MPHOSPH8: variants seen among roughly 807,000 people sequenced by gnomAD.
MPHOSPH8 encodes the protein M-phase phosphoprotein 8.
In MPHOSPH8, 45 loss-of-function variants were observed where a neutral mutation model predicts 87.3. The observed-to-expected ratio is 0.52, with a 90% CI of 0.41 to 0.66. The LOEUF is 0.66. MPHOSPH8 is among the 30% of genes least tolerant of loss of function. The pLI is 0.00. For missense variants in MPHOSPH8, 883 were observed against 1,020.2 expected (o/e 0.87, Z 1.83); for synonymous variants, 366 against 376.9 (o/e 0.97, Z 0.33).
At chr13:19,665,027 G>A (rs934164250) in intron 9 of MPHOSPH8, among the ~76,000 whole-genome samples, 8 of 152,200 alleles carry the variant, frequency 5.3e-5, no homozygotes, top group East Asian at 1.9e-4. Context: ...GAAGGCAGGC[G>A]GGAGTGCCCC....
intron 5 of MPHOSPH8, among the ~76,000 whole-genome samples, chr13:19,654,473 A>AT (rs1219772286): frequency 6.7e-6 from 1 of 149,640 alleles, no homozygotes; most frequent in Non-Finnish European, 1.5e-5. Context: ...ACTTATAGTA[A>AT]TAAAAAAAAG....
chr13:19,649,567 G>C (rs1640841959), intron 4 of MPHOSPH8, among the ~76,000 whole-genome samples: 2 of 152,096 alleles, frequency 1.3e-5, no homozygotes, highest in African/African-American at 4.8e-5. Context: ...GTTTTACCAG[G>C]TACACAGGCA....
chr13:19,667,019 G>A (rs760582645), intron 10 of MPHOSPH8, among the ~76,000 whole-genome samples: 3 of 151,906 alleles, frequency 2.0e-5, no homozygotes, highest in Admixed American at 6.6e-5. Flanking sequence ...AAAATTAGCC[G>A]GGCGTGGTGG....
chr13:19,660,167 A>G (rs1875446369), intron 7 of MPHOSPH8, among the ~76,000 whole-genome samples: 1 of 149,256 alleles, frequency 6.7e-6, no homozygotes, highest in South Asian at 2.1e-4. Flanking sequence ...ACGGGGTTTC[A>G]CCATGTTAGC....
intron 1 of MPHOSPH8, among the ~76,000 whole-genome samples, chr13:19,634,917 T>G (rs1873911015): frequency 6.6e-6 from 1 of 152,226 alleles, no homozygotes; most frequent in East Asian, 1.9e-4. Context: ...CTTGTGTCAA[T>G]TTTTTGCGCA....
In MPHOSPH8 at chr13:19,671,845, A is replaced by G. The variant is rs755401894; in HGVS notation, c.2553A>G (p.Leu851=). The G allele has an allele frequency of 6.2e-7, 1 of 1,614,044 alleles. No individual in the cohort carries two copies. Among genetic ancestry groups the G allele is most frequent in the Non-Finnish European group, 8.5e-7 (1 of 1,180,020 alleles). The change falls in exon 14 of 14, where the codon CTA becomes CTG. Residue 851 remains leucine, a synonymous_variant. Transcript: ENST00000361479. The part of the protein sequence containing the change: ...TEAPSAKVKL[L]IGAYRVQLQ Reference sequence around the variant, plus strand: ...TTTTCTTTCAACAGGTTAAGTTGCTAATAGGTGCATACAGAGTGCAGCTGC... The same window carrying G: ...TTTTCTTTCAACAGGTTAAGTTGCTGATAGGTGCATACAGAGTGCAGCTGC...
At chr13:19,671,754 T>G in intron 13 of MPHOSPH8, 80 bp from the exon 14 acceptor site, 1 of 1,298,690 alleles carries the variant, frequency 7.7e-7, no homozygotes, top group Admixed American at 1.8e-5. Context: ...GAAGCAAATC[T>G]TGGCCATTTG....
chr13:19,649,858 A>AT, intron 4 of MPHOSPH8, 145 bp from the exon 5 acceptor site: 1 of 743,982 alleles, frequency 1.3e-6, no homozygotes, highest in South Asian at 2.0e-5. Flanking sequence ...TTTGACAGTA[A>AT]ATCAGACCAG....
rs747903399 is a variant in MPHOSPH8 at position 19,658,455 on chromosome 13, ACT to A, written c.1577-537_1577-536del. On this transcript the variant is annotated intron_variant, in intron 5 of 13. Transcript: ENST00000361479. ...GTGCCTGTAGGTCCTGTCGGGGAAG[ACT>A]CTAGCAATACCTCACGGGGGTGGGT... 7.7e-5 allele frequency among the ~76,000 whole-genome samples: 9 copies of A among 117,296 alleles called. No individual in the cohort carries two copies. In the East Asian group the frequency reaches 9.0e-4, roughly 12 times the overall value. 77.0% of individuals were successfully genotyped at this position (117,296 alleles called of 152,430 possible). A position where few individuals can be genotyped will look rare whatever the true frequency, so the allele number is the denominator to read the frequency against.
intron 11 of MPHOSPH8, 130 bp from the exon 12 acceptor site, chr13:19,670,106 C>A: frequency 9.3e-7 from 1 of 1,079,318 alleles, no homozygotes; most frequent in Non-Finnish European, 1.4e-6. Flanking sequence ...TCCTCTGAGC[C>A]TCCAGGCAGA....
intron 4 of MPHOSPH8, among the ~76,000 whole-genome samples, chr13:19,648,777 T>C (rs1240992908): frequency 6.6e-6 from 1 of 152,138 alleles, no homozygotes; most frequent in East Asian, 1.9e-4. Flanking sequence ...TATGTAACTC[T>C]GTGTCATTTG....
chr13:19,642,055 T>TTC, intron 1 of MPHOSPH8, 60 bp from the exon 2 acceptor site: 2 of 1,143,090 alleles, frequency 1.7e-6, no homozygotes, highest in Non-Finnish European at 2.3e-6. Context: ...TTTTTTTTTT[T>TTC]TGGAAATTTA....
Position 19,650,232 on chromosome 13 carries a change from C to T in MPHOSPH8, c.1548C>T (p.Asp516=). The change falls in exon 5 of 14, where the codon GAC becomes GAT. Residue 516 remains aspartate, a synonymous_variant. Transcript: ENST00000361479. ...IAAEGDQEVL[D]SVCQADENSD... ...CAGAAGGTGATCAGGAGGTTTTAGA[C>T]AGCGTGTGCCAAGCAGATGAGAATT... 1 of 1,613,984 alleles carries T rather than the reference C, an allele frequency of 6.2e-7. No homozygotes were observed. Among genetic ancestry groups the T allele is most frequent in the South Asian group, 1.1e-5 (1 of 91,058 alleles).
chr13:19,643,394 C>T (rs922632273), intron 2 of MPHOSPH8, among the ~76,000 whole-genome samples: 3 of 152,042 alleles, frequency 2.0e-5, no homozygotes, highest in Admixed American at 6.6e-5. Context: ...TATAGATACA[C>T]GCCACCAGGC....
chr13:19,637,236 C>T (rs929040413), intron 1 of MPHOSPH8, among the ~76,000 whole-genome samples: 4 of 152,166 alleles, frequency 2.6e-5, no homozygotes, highest in Admixed American at 2.0e-4. Context: ...ATACCCTCCT[C>T]ATCAATTAGG....
chr13:19,671,997 G>A lies in MPHOSPH8; in HGVS notation c.*122G>A, dbSNP rs1565946129. On this transcript the variant is annotated 3_prime_UTR_variant, in exon 14 of 14. Transcript: ENST00000361479. Reference sequence around the variant, plus strand: ...TTGTCTGTAAACCTCTTGCAGTTAAGCCTGTTGTCTGTTGTAGTCTGTAAG... The same window carrying A: ...TTGTCTGTAAACCTCTTGCAGTTAAACCTGTTGTCTGTTGTAGTCTGTAAG... 7.0e-6 allele frequency: 7 copies of A among 993,490 alleles called. No homozygotes were observed. The East Asian group carries it at 1.8e-4, about 25-fold the overall frequency. 61.5% of individuals were successfully genotyped at this position (993,490 alleles called of 1,614,324 possible).
chr13:19,661,980 C>G (rs374732310), intron 8 of MPHOSPH8, 142 bp downstream of exon 8: 21 of 1,139,318 alleles, frequency 1.8e-5, no homozygotes, highest in Non-Finnish European at 2.4e-5. Flanking sequence ...CTCGCTCTGT[C>G]GCCGAGGCTG....
intron 9 of MPHOSPH8, among the ~76,000 whole-genome samples, chr13:19,663,898 C>T (rs1875684786): frequency 6.6e-6 from 1 of 152,192 alleles, no homozygotes; most frequent in Non-Finnish European, 1.5e-5. Context: ...CAAAAGAGCA[C>T]AGCCAGGCCC....
intron 11 of MPHOSPH8, among the ~76,000 whole-genome samples, chr13:19,668,738 T>G (rs1875957292): frequency 6.6e-6 from 1 of 152,210 alleles, no homozygotes; most frequent in Admixed American, 6.5e-5. Context: ...ATATAGAGCA[T>G]GGAAGTTAGG....
Sources: allele counts gnomAD v4.1 joint callset (sites outside exome capture counted in the v4.1 genomes callset), GRCh38; gene constraint gnomAD v4.1.1; transcripts MANE v1.5; gene names NCBI Gene and HGNC (gene_info 2026-07-23, HGNC 2026-07-21).